The following NFIB variants were observed in gnomAD, a reference collection of about 807,000 sequenced individuals.
The protein encoded by NFIB is nuclear factor I B, also known as nuclear factor 1 B-type.
A neutral mutation model predicts 61.5 loss-of-function variants in NFIB; 11 were observed. The ratio of observed to expected loss-of-function variants is 0.18; its 90% CI spans 0.11 to 0.30. The LOEUF (loss-of-function observed/expected upper bound fraction) is 0.30. NFIB is among the 10% of genes least tolerant of loss of function. NFIB has a pLI of 1.00. For synonymous variants in NFIB, 260 were observed against 216.5 expected (o/e 1.20, Z -1.76); for missense variants, 471 against 608.9 (o/e 0.77, Z 2.38).
chr9:14,227,545 C>G (rs2052585652), intron 2 of NFIB, among the ~76,000 whole-genome samples: 1 of 152,076 alleles, frequency 6.6e-6, no homozygotes, highest in Admixed American at 6.6e-5. Context: ...AGTTATTTTC[C>G]CTGAACCTAA....
At chr9:14,401,450 C>T (rs1305992047), upstream of NFIB, among the ~76,000 whole-genome samples, 1 of 152,150 alleles carries the variant, frequency 6.6e-6, no homozygotes, top group African/African-American at 2.4e-5. Context: ...AGTTCACCAT[C>T]GGCCTGGAAG....
At chr9:14,222,993 C>T (rs2051885695) in intron 2 of NFIB, among the ~76,000 whole-genome samples, 1 of 151,944 alleles carries the variant, frequency 6.6e-6, no homozygotes. Flanking sequence ...TTTGGCTTCC[C>T]TGGGCCACAC....
chr9:14,319,502 A>G (rs769883019), intron 1 of NFIB, among the ~76,000 whole-genome samples: 2 of 152,220 alleles, frequency 1.3e-5, no homozygotes, highest in Non-Finnish European at 2.9e-5. Flanking sequence ...TCTCTCACAC[A>G]GTGTCTCTTG....
intron 8 of NFIB, among the ~76,000 whole-genome samples, chr9:14,118,855 T>C (rs1207473208): frequency 2.7e-5 from 4 of 149,324 alleles, no homozygotes; most frequent in Non-Finnish European, 4.4e-5. Context: ...CTGAGAACAA[T>C]ATAGGCAGAT....
At chr9:14,306,102 T>C (rs1366440990) in intron 2 of NFIB, 4 of 511,268 alleles carry the variant, frequency 7.8e-6, no homozygotes, top group Non-Finnish European at 1.3e-5. Context: ...TCATCTTTTT[T>C]AATTATTTAG....
chr9:14,204,313 G>A (rs1401737305), intron 2 of NFIB: 49 of 718,390 alleles, frequency 6.8e-5, no homozygotes, highest in Non-Finnish European at 1.7e-5. Context: ...TGAAGAAGCA[G>A]GAGGCCAAGA....
intron 2 of NFIB, among the ~76,000 whole-genome samples, chr9:14,265,700 G>A (rs748993541): frequency 7.2e-5 from 11 of 152,224 alleles, no homozygotes; most frequent in Non-Finnish European, 7.4e-5. Flanking sequence ...CTCCCTTCTA[G>A]GATGAATTCA....
chr9:14,508,469 A>T, the NFIB span, among the ~76,000 whole-genome samples: 1 of 152,328 alleles, frequency 6.6e-6, no homozygotes, highest in East Asian at 1.9e-4. Context: ...AGTTAAGCCA[A>T]TCTAATGAGA....
At chr9:14,134,907 A>AAAAAAAAAAAAAAAAAAC (rs1563820775) in intron 6 of NFIB, among the ~76,000 whole-genome samples, 74 of 125,932 alleles carry the variant, frequency 5.9e-4, no homozygotes, top group African/African-American at 2.1e-3. Flanking sequence ...CAAAAAAAAA[A>AAAAAAAAAAAAAAAAAAC]AAAAAAAAAA....
At chr9:14,494,314 T>A in the NFIB span, among the ~76,000 whole-genome samples, 1 of 152,250 alleles carries the variant, frequency 6.6e-6, no homozygotes, top group Non-Finnish European at 1.5e-5. Flanking sequence ...ATTATGAAAC[T>A]TTGAATTCCT....
At chr9:14,147,499 T>C (rs141078790) in intron 5 of NFIB, among the ~76,000 whole-genome samples, 1 of 152,076 alleles carries the variant, frequency 6.6e-6, no homozygotes, top group East Asian at 1.9e-4. Flanking sequence ...TAAAAAATTA[T>C]AGTATTTTAC....
At chr9:14,367,656 A>T (rs2061315666) in intron 1 of NFIB, among the ~76,000 whole-genome samples, 1 of 152,168 alleles carries the variant, frequency 6.6e-6, no homozygotes, top group South Asian at 2.1e-4. Context: ...TAGACTGGAT[A>T]AAGAAAATGT....
chr9:14,188,396 G>A (rs1335239071), intron 2 of NFIB, among the ~76,000 whole-genome samples: 2 of 152,112 alleles, frequency 1.3e-5, no homozygotes, highest in African/African-American at 2.4e-5. Context: ...TAAATACAGA[G>A]GCAAGGGTGC....
chr9:14,500,576 AATTAT>A, the NFIB span, among the ~76,000 whole-genome samples: 1 of 152,158 alleles, frequency 6.6e-6, no homozygotes, highest in African/African-American at 2.4e-5. Flanking sequence ...CTCAGTTTAT[AATTAT>A]ATTAACTGAC....
At chr9:14,225,111 G>A (rs1315488671) in intron 2 of NFIB, among the ~76,000 whole-genome samples, 9 of 152,058 alleles carry the variant, frequency 5.9e-5, no homozygotes, top group African/African-American at 2.2e-4. Flanking sequence ...ATTCTACTCT[G>A]CTTCTAAGTA....
chr9:14,206,866 T>C (rs1364440882), intron 2 of NFIB, among the ~76,000 whole-genome samples: 3 of 152,160 alleles, frequency 2.0e-5, no homozygotes, highest in Admixed American at 2.0e-4. Context: ...CACAAGACAG[T>C]GCAACGCATA....
At chr9:14,466,492 A>G in the NFIB span, among the ~76,000 whole-genome samples, 1 of 151,770 alleles carries the variant, frequency 6.6e-6, no homozygotes, top group South Asian at 2.1e-4. Context: ...CATACTTCCC[A>G]CTCTGTTGGC....
chr9:14,424,352 T>G, the NFIB span, among the ~76,000 whole-genome samples: 1 of 152,176 alleles, frequency 6.6e-6, no homozygotes, highest in Non-Finnish European at 1.5e-5. Context: ...GTGAAAAAAG[T>G]GTTCGAGGGT....
chr9:14,506,929 C>A, the NFIB span, among the ~76,000 whole-genome samples: 9 of 152,216 alleles, frequency 5.9e-5, no homozygotes, highest in Non-Finnish European at 8.8e-5. Context: ...TAACACAAAT[C>A]AACTGTTAGG....
Sources: gnomAD v4.1 joint callset for allele counts (sites outside exome capture counted in the v4.1 genomes callset) on GRCh38, gnomAD v4.1.1 for gene constraint, MANE v1.5 for transcripts, NCBI Gene and HGNC (gene_info 2026-07-23, HGNC 2026-07-21) for gene names.